RBMS1: variants seen among roughly 807,000 people sequenced by gnomAD.
RBMS1 encodes RNA binding motif single stranded interacting protein 1.
RBMS1 carries 17 observed loss-of-function variants against 62.3 expected under a neutral mutation model. The ratio of observed to expected loss-of-function variants is 0.27; its 90% CI spans 0.19 to 0.41. The LOEUF (loss-of-function observed/expected upper bound fraction) is 0.41, where lower values mean the gene tolerates loss of function less well. RBMS1 is among the 10% of genes least tolerant of loss of function. The pLI, the probability that RBMS1 is intolerant of heterozygous loss-of-function variation, is 1.00. For synonymous variants in RBMS1, 172 were observed against 170.0 expected, an observed-to-expected ratio of 1.01 and a Z score of -0.09; for missense variants, 334 against 504.5, an observed-to-expected ratio of 0.66 and a Z score of 3.24.
intron 1 of RBMS1, among the ~76,000 whole-genome samples, chr2:160,456,055 A>C (rs1265872539): frequency 6.6e-6 from 1 of 152,236 alleles, no homozygotes; most frequent in Non-Finnish European, 1.5e-5. Context: ...TGAAAGAAAA[A>C]GAAATACAGA....
intron 1 of RBMS1, among the ~76,000 whole-genome samples, chr2:160,447,644 T>C (rs1417944192): frequency 1.3e-5 from 2 of 152,268 alleles, no homozygotes; most frequent in Non-Finnish European, 2.9e-5. Context: ...TTTATACTGC[T>C]AGAATATAGT....
chr2:160,353,421 A>C lies in RBMS1; in HGVS notation c.251+13795T>G, dbSNP rs569009879. ...TTCAATGCCAATATAACATAATACA[A>C]ATATTATCCTTTCCTCTGTCTGCCA... On this transcript the variant is annotated intron_variant, in intron 2 of 13. Coordinates refer to ENST00000348849, the MANE Select transcript of RBMS1 (RefSeq NM_016836.4). 2.0e-5 allele frequency among the ~76,000 whole-genome samples: 3 copies of C among 152,198 alleles called. No individual in the cohort carries two copies. The South Asian group carries it at 6.2e-4, about 32-fold the overall frequency.
intron 2 of RBMS1, among the ~76,000 whole-genome samples, chr2:160,343,646 G>A (rs567380159): frequency 2.2e-4 from 33 of 152,218 alleles, no homozygotes; most frequent in African/African-American, 7.9e-4. Flanking sequence ...GAGAAAATGG[G>A]AGTAAAGACG....
intron 9 of RBMS1, chr2:160,283,259 G>C (rs1444461545): frequency 6.6e-6 from 1 of 152,192 alleles, no homozygotes; most frequent in African/African-American, 2.4e-5. Context: ...AATGACAGAG[G>C]TTTCCAAGTT....
intron 2 of RBMS1, among the ~76,000 whole-genome samples, chr2:160,335,664 A>G (rs1691526828): frequency 6.6e-6 from 1 of 152,186 alleles, no homozygotes; most frequent in East Asian, 1.9e-4. Flanking sequence ...ACTGTATCCC[A>G]TATAGTCATG....
chr2:160,401,140 T>C (rs1695407691), intron 1 of RBMS1, among the ~76,000 whole-genome samples: 1 of 152,206 alleles, frequency 6.6e-6, no homozygotes, highest in African/African-American at 2.4e-5. Flanking sequence ...TTTGTTAATA[T>C]TTTGGCATAT....
intron 1 of RBMS1, among the ~76,000 whole-genome samples, chr2:160,440,566 C>G (rs1205400345): frequency 6.6e-6 from 1 of 152,138 alleles, no homozygotes; most frequent in Non-Finnish European, 1.5e-5. Flanking sequence ...CATCTCTCCC[C>G]CACCCTCACC....
chr2:160,354,084 G>C (rs1055974616), intron 2 of RBMS1, among the ~76,000 whole-genome samples: 3 of 152,044 alleles, frequency 2.0e-5, no homozygotes, highest in Non-Finnish European at 4.4e-5. Flanking sequence ...GTATCTCTCT[G>C]TCTTCTGACT....
chr2:160,311,210 A>ATCTCCCTCTCTCTC (rs1361792296), intron 4 of RBMS1, among the ~76,000 whole-genome samples: 1 of 56,612 alleles, frequency 1.8e-5, no homozygotes, highest in East Asian at 3.6e-4. Context: ...AAAAAAAAAA[A>ATCTCCCTCTCTCTC]TCTATCTATC....
chr2:160,366,056 A>G (rs1177816701), intron 2 of RBMS1, among the ~76,000 whole-genome samples: 1 of 152,206 alleles, frequency 6.6e-6, no homozygotes, highest in African/African-American at 2.4e-5. Flanking sequence ...ACATGAGAAA[A>G]ACACAGGGAG....
chr2:160,310,236 T>C (rs2105960575), intron 4 of RBMS1, among the ~76,000 whole-genome samples: 1 of 152,346 alleles, frequency 6.6e-6, no homozygotes, highest in Non-Finnish European at 1.5e-5. Context: ...TGTATGTGTG[T>C]GCACACATAT....
chr2:160,295,352 A>G (rs1316913128), intron 6 of RBMS1, among the ~76,000 whole-genome samples: 2 of 152,224 alleles, frequency 1.3e-5, no homozygotes, highest in African/African-American at 4.8e-5. Context: ...AAAAGAAAAC[A>G]TAGCTCCTGC....
intron 1 of RBMS1, among the ~76,000 whole-genome samples, chr2:160,466,340 T>C (rs1684689685): frequency 6.6e-6 from 1 of 152,090 alleles, no homozygotes. Flanking sequence ...TATAACAAAA[T>C]ATAAATATAA....
At chr2:160,326,457 G>A (rs571384737) in intron 2 of RBMS1, among the ~76,000 whole-genome samples, 2 of 152,294 alleles carry the variant, frequency 1.3e-5, no homozygotes, top group South Asian at 2.1e-4. Context: ...CAAAAATCTA[G>A]GTGGGCTCTG....
At chr2:160,353,541 C>T (rs1010325138) in intron 2 of RBMS1, among the ~76,000 whole-genome samples, 1 of 152,098 alleles carries the variant, frequency 6.6e-6, no homozygotes, top group South Asian at 2.1e-4. Context: ...TCAAGACCTG[C>T]CCAGTGGAGA....
Position 160,311,209 on chromosome 2 carries a change from A to AAATCTATCT in RBMS1, c.402+1946_402+1947insAGATAGATT, listed in dbSNP as rs1553505365. Among the ~76,000 whole-genome samples, 50 of 57,722 alleles carry AAATCTATCT rather than the reference A, an allele frequency of 8.7e-4. 2 individuals are homozygous for AAATCTATCT. Among genetic ancestry groups the AAATCTATCT allele is most frequent in the South Asian group, 4.0e-3 (7 of 1,770 alleles). The allele number at this position is 57,722 out of a possible 152,430, so 37.9% of individuals were successfully genotyped here. ...GACCCTGTCTCCAAAAAAAAAAAAA[A>AAATCTATCT]ATCTATCTATCTATCTATCTATCTA... On this transcript the variant is annotated intron_variant, in intron 4 of 13. Coordinates refer to ENST00000348849, the MANE Select transcript of RBMS1 (RefSeq NM_016836.4).
intron 1 of RBMS1, among the ~76,000 whole-genome samples, chr2:160,467,537 T>C (rs745435351): frequency 1.4e-4 from 22 of 152,196 alleles, no homozygotes; most frequent in Non-Finnish European, 2.6e-4. Context: ...TAATTTTCAA[T>C]GTATGAGAGC....
intron 4 of RBMS1, among the ~76,000 whole-genome samples, chr2:160,308,397 A>AAAAACAAAAC (rs530401245): frequency 4.1e-4 from 63 of 152,018 alleles, no homozygotes; most frequent in African/African-American, 1.2e-3. Context: ...TCTGGTCTCA[A>AAAAACAAAAC]AAAACAAAAC....
At chr2:160,379,702 C>A (rs1170286778) in intron 1 of RBMS1, among the ~76,000 whole-genome samples, 8 of 152,110 alleles carry the variant, frequency 5.3e-5, no homozygotes, top group African/African-American at 1.9e-4. Context: ...AGTTATTGCT[C>A]AACAAGAAAA....
Sources: gnomAD v4.1 joint callset for allele counts (sites outside exome capture counted in the v4.1 genomes callset) on GRCh38, gnomAD v4.1.1 for gene constraint, MANE v1.5 for transcripts, NCBI Gene and HGNC (gene_info 2026-07-23, HGNC 2026-07-21) for gene names.